The following SLC14A2 variants were observed in gnomAD, a reference collection of about 807,000 sequenced individuals.
SLC14A2 encodes urea transporter 2.
A neutral mutation model predicts 104.6 loss-of-function variants in SLC14A2; 91 were observed. The ratio of observed to expected loss-of-function variants is 0.87; its 90% CI spans 0.73 to 1.04. SLC14A2 has a LOEUF of 1.04. SLC14A2 is among the 50% of genes least tolerant of loss of function. SLC14A2 has a pLI of 0.00. For missense variants in SLC14A2, 1,189 were observed against 1,156.0 expected, an observed-to-expected ratio of 1.03 and a Z score of -0.41; for synonymous variants, 476 against 466.4, an observed-to-expected ratio of 1.02 and a Z score of -0.27.
At chr18:45,255,362 A>G (rs529392256) in intron 1 of SLC14A2, among the ~76,000 whole-genome samples, 33 of 152,322 alleles carry the variant, frequency 2.2e-4, no homozygotes, top group Non-Finnish European at 4.0e-4. Context: ...TGCAAGCAGG[A>G]TTGAGCAAGA....
intron 2 of SLC14A2, among the ~76,000 whole-genome samples, chr18:45,498,020 GT>G (rs2043129466): frequency 6.6e-6 from 1 of 152,130 alleles, no homozygotes; most frequent in Admixed American, 6.5e-5. Flanking sequence ...AGGAGGTTAT[GT>G]TTCTGGGAAA....
chr18:45,463,692 G>A (rs577095136), intron 1 of SLC14A2, among the ~76,000 whole-genome samples: 1 of 152,300 alleles, frequency 6.6e-6, no homozygotes, highest in South Asian at 2.1e-4. Context: ...GTGCACAGAG[G>A]TGAATCCCTA....
At chr18:45,201,347 A>G in the SLC14A2 span, among the ~76,000 whole-genome samples, 1 of 152,078 alleles carries the variant, frequency 6.6e-6, no homozygotes, top group African/African-American at 2.4e-5. Context: ...TATCCACATC[A>G]ATTATTTGGA....
chr18:45,520,796 C>A (rs1016912284), intron 2 of SLC14A2, among the ~76,000 whole-genome samples: 5 of 152,168 alleles, frequency 3.3e-5, no homozygotes, highest in African/African-American at 1.2e-4. Flanking sequence ...CCAGAGAGAA[C>A]AATCTATCTA....
the SLC14A2 span, among the ~76,000 whole-genome samples, chr18:45,187,484 A>G: frequency 6.6e-6 from 1 of 152,202 alleles, no homozygotes; most frequent in Non-Finnish European, 1.5e-5. Context: ...ATTGCAAACT[A>G]TGATATATCC....
chr18:45,179,003 T>C, the SLC14A2 span, among the ~76,000 whole-genome samples: 1 of 152,200 alleles, frequency 6.6e-6, no homozygotes, highest in South Asian at 2.1e-4. Context: ...GCTGGAAATG[T>C]AACCTGGAGA....
At chr18:45,618,310 G>A (rs2045105649) in intron 1 of SLC14A2, among the ~76,000 whole-genome samples, 1 of 152,146 alleles carries the variant, frequency 6.6e-6, no homozygotes, top group Non-Finnish European at 1.5e-5. Flanking sequence ...CTAATATTCT[G>A]GAGAACCTGC....
chr18:45,606,910 T>C (rs1363868685), intron 2 of SLC14A2, among the ~76,000 whole-genome samples: 3 of 152,158 alleles, frequency 2.0e-5, no homozygotes, highest in African/African-American at 7.2e-5. Flanking sequence ...ACATCCTACG[T>C]TGTTTTTATG....
Position 45,644,125 on chromosome 18 carries a change from C to G in SLC14A2, c.1316C>G (p.Thr439Arg), listed in dbSNP as rs370502193. The G allele has an allele frequency of 1.2e-6, 2 of 1,614,124 alleles. No homozygotes were observed. Among genetic ancestry groups the G allele is most frequent in the Non-Finnish European group, 1.7e-6 (2 of 1,180,050 alleles). The change falls in exon 10 of 20, where the codon ACA becomes AGA. Residue 439 changes from threonine to arginine, a missense_variant. Coordinates refer to ENST00000255226, the MANE Select transcript of SLC14A2 (RefSeq NM_007163.4). Reference protein sequence around the residue: ...YPEANRIYYLTVKSGEEEKAP... With the variant: ...YPEANRIYYLRVKSGEEEKAP... ...GAGGCCAACCGCATCTACTACCTGA[C>G]AGTGAAAAGCGGTGAAGAAGAGAAG...
intron 2 of SLC14A2, among the ~76,000 whole-genome samples, chr18:45,605,874 C>T (rs909299532): frequency 2.0e-5 from 3 of 152,168 alleles, no homozygotes; most frequent in Non-Finnish European, 4.4e-5. Flanking sequence ...AGGAAGGCTA[C>T]AGGAGAGGAA....
chr18:45,656,669 T>C (rs186111702), intron 10 of SLC14A2, among the ~76,000 whole-genome samples: 19 of 152,254 alleles, frequency 1.2e-4, no homozygotes, highest in African/African-American at 4.3e-4. Flanking sequence ...AGAGATGGGG[T>C]GCTCTGACCT....
At chr18:45,410,209 T>C (rs2086199532) in intron 1 of SLC14A2, among the ~76,000 whole-genome samples, 1 of 152,176 alleles carries the variant, frequency 6.6e-6, no homozygotes, top group Non-Finnish European at 1.5e-5. Flanking sequence ...CAGATGAAGC[T>C]TCACTCACTT....
chr18:45,274,861 G>A (rs1226169703), intron 1 of SLC14A2, among the ~76,000 whole-genome samples: 1 of 152,150 alleles, frequency 6.6e-6, no homozygotes, highest in African/African-American at 2.4e-5. Context: ...GTGATTTTTG[G>A]TGTGTGTTTC....
chr18:45,341,618 T>C (rs2144284334), intron 1 of SLC14A2, among the ~76,000 whole-genome samples: 1 of 148,302 alleles, frequency 6.7e-6, no homozygotes, highest in Non-Finnish European at 1.5e-5. Flanking sequence ...TTTTTTTTTT[T>C]TTTTGAGATG....
chr18:45,634,904 CCA>C lies in SLC14A2; in HGVS notation c.651-2083_651-2082del, dbSNP rs147527378. ...ATCCACAATTGTCTGCTACAAAACC[CCA>C]CAGAGATGACAGTGTTTAGATTAGA... On this transcript the variant is annotated intron_variant, in intron 5 of 19. Coordinates refer to ENST00000255226, the MANE Select transcript of SLC14A2 (RefSeq NM_007163.4). 4,407 of 456,670 alleles carry C rather than the reference CCA, an allele frequency of 9.7e-3. 168 individuals carry two copies. The highest frequency in any genetic ancestry group is 0.081 in the African/African-American group (4,034 of 50,040). The allele number at this position is 456,670 out of a possible 1,614,324, so 28.3% of individuals were successfully genotyped here.
chr18:45,392,081 C>T (rs2085975181), intron 1 of SLC14A2, among the ~76,000 whole-genome samples: 1 of 152,210 alleles, frequency 6.6e-6, no homozygotes, highest in Non-Finnish European at 1.5e-5. Flanking sequence ...AGTTTAATAA[C>T]TTGTCCTGGG....
chr18:45,237,135 G>A (rs2144039768), intron 1 of SLC14A2, among the ~76,000 whole-genome samples: 1 of 152,242 alleles, frequency 6.6e-6, no homozygotes, highest in Admixed American at 6.5e-5. Flanking sequence ...GTATATGGCT[G>A]TTTTCATTTG....
chr18:45,629,993 C>A lies in SLC14A2; in HGVS notation c.522-2357C>A, dbSNP rs112821609. Among the ~76,000 whole-genome samples the A allele has an allele frequency of 5.3e-3, 812 of 152,320 alleles. 11 individuals carry two copies. The highest frequency in any genetic ancestry group is 0.018 in the African/African-American group (751 of 41,570). ...ACAGTTCCCTGGAATCCTTCCTCCC[C>A]CAGGGAGCCACTCCTGATTCCCTCT... On this transcript the variant is annotated intron_variant, in intron 4 of 19. Transcript: ENST00000255226.
At chr18:45,599,095 TATATAA>T (rs1199798765) in intron 2 of SLC14A2, among the ~76,000 whole-genome samples, 31 of 152,300 alleles carry the variant, frequency 2.0e-4, no homozygotes, top group Admixed American at 6.5e-4. Context: ...TTCAAATAAA[TATATAA>T]ATATAAACAA....
Sources: gnomAD v4.1 joint callset for allele counts (sites outside exome capture counted in the v4.1 genomes callset) on GRCh38, gnomAD v4.1.1 for gene constraint, MANE v1.5 for transcripts, NCBI Gene and HGNC (gene_info 2026-07-23, HGNC 2026-07-21) for gene names.